Variants in ARHGEF3 observed in about 807,000 individuals in gnomAD.
ARHGEF3 encodes 59.8 kDA protein.
ARHGEF3 carries 28 observed loss-of-function variants against 63.2 expected under a neutral mutation model. That is an observed-to-expected ratio of 0.44 (90% CI 0.33 to 0.61). The LOEUF is 0.61. ARHGEF3 is among the 20% of genes least tolerant of loss of function. The pLI, the probability that ARHGEF3 is intolerant of heterozygous loss-of-function variation, is 0.03. For missense variants in ARHGEF3, 533 were observed against 659.3 expected (o/e 0.81, Z 2.10); for synonymous variants, 266 against 254.2 (o/e 1.05, Z -0.44).
chr3:56,730,059 A>G (rs570258918), intron 9 of ARHGEF3, among the ~76,000 whole-genome samples: 2 of 152,340 alleles, frequency 1.3e-5, no homozygotes, highest in Non-Finnish European at 2.9e-5. Context: ...TTCTCAAAAA[A>G]TAAAAATAAA....
chr3:56,749,638 T>C (rs1388895646), intron 6 of ARHGEF3, among the ~76,000 whole-genome samples: 1 of 152,206 alleles, frequency 6.6e-6, no homozygotes, highest in Non-Finnish European at 1.5e-5. Flanking sequence ...AATTTCTTTG[T>C]GGGCTAAAGA....
chr3:57,014,524 C>G (rs1702890396), intron 2 of ARHGEF3, among the ~76,000 whole-genome samples: 1 of 151,840 alleles, frequency 6.6e-6, no homozygotes, highest in African/African-American at 2.4e-5. Context: ...AAGGAAATTT[C>G]TCACAATACT....
intron 8 of ARHGEF3, among the ~76,000 whole-genome samples, chr3:56,735,660 G>A (rs1359356575): frequency 6.6e-6 from 1 of 152,156 alleles, no homozygotes; most frequent in Non-Finnish European, 1.5e-5. Context: ...AAGGAGCTTG[G>A]TGTAAGATAC....
chr3:56,827,763 A>AAC (rs2038780015), intron 4 of ARHGEF3, among the ~76,000 whole-genome samples: 1 of 125,476 alleles, frequency 8.0e-6, no homozygotes, highest in African/African-American at 3.0e-5. Flanking sequence ...AAAAAAAAAA[A>AAC]AAAAAAAAAA....
At position 56,801,898 on chromosome 3, in the gene ARHGEF3, C is replaced by T; in HGVS notation, c.-100G>A. On this transcript the variant is annotated 5_prime_UTR_variant, in exon 1 of 10. Transcript: ENST00000296315. The stretch of plus-strand genomic sequence containing the variant: ...GCCCCAGCTCCACGATGCCGGGCGG[C>T]GGCGGCGACACGGAGACCGACAGCC... 6.6e-7 allele frequency: 1 copy of T among 1,521,630 alleles called. No homozygotes were observed. Among genetic ancestry groups the T allele is most frequent in the African/African-American group, 1.4e-5 (1 of 72,346 alleles). The allele number at this position is 1,521,630 out of a possible 1,614,324, so 94.3% of individuals were successfully genotyped here.
chr3:56,882,150 TA>T, intron 4 of ARHGEF3: 106 of 724,508 alleles, frequency 1.5e-4, no homozygotes, highest in South Asian at 1.9e-4. Flanking sequence ...GTTTTTCAGT[TA>T]AAAAAAATTT....
chr3:56,973,509 C>A (rs1161650230), intron 2 of ARHGEF3, among the ~76,000 whole-genome samples: 1 of 152,062 alleles, frequency 6.6e-6, no homozygotes, highest in Admixed American at 6.6e-5. Flanking sequence ...ATAGTATGGA[C>A]CTCCAAATAG....
At chr3:56,999,415 T>A (rs1412040231) in intron 2 of ARHGEF3, among the ~76,000 whole-genome samples, 1 of 152,222 alleles carries the variant, frequency 6.6e-6, no homozygotes, top group Admixed American at 6.5e-5. Flanking sequence ...TCTTGCCTAC[T>A]CATCAAATCA....
chr3:56,735,660 GT>G (rs1385541832), intron 8 of ARHGEF3, among the ~76,000 whole-genome samples: 1 of 152,156 alleles, frequency 6.6e-6, no homozygotes, highest in Non-Finnish European at 1.5e-5. Flanking sequence ...AAGGAGCTTG[GT>G]GTAAGATACT....
intron 1 of ARHGEF3, chr3:57,060,871 C>T (rs139792847): frequency 6.2e-4 from 94 of 150,456 alleles, no homozygotes; most frequent in African/African-American, 2.1e-3. Flanking sequence ...CTTTTTTGGC[C>T]TGTGCCTGTT....
intron 4 of ARHGEF3, chr3:56,882,263 C>G (rs531500259): frequency 6.5e-7 from 1 of 1,541,098 alleles, no homozygotes; most frequent in African/African-American, 1.4e-5. Flanking sequence ...GCTCTCGGTG[C>G]CAGTGGGGGA....
rs577465831 is a variant in ARHGEF3 at position 56,821,011 on chromosome 3, C to T, written c.193-47195G>A. Among the ~76,000 whole-genome samples, 230 of 149,904 alleles carry T rather than the reference C, an allele frequency of 1.5e-3. 1 individual carries two copies. Among genetic ancestry groups the T allele is most frequent in the Middle Eastern group, 3.4e-3 (1 of 290 alleles). On this transcript the variant is annotated intron_variant, in intron 4 of 12. Coordinates refer to the ARHGEF3 transcript ENST00000338458. ...TCTACAAAAAAAAAAAAATACAAAA[C>T]ATTAGCCAGGTTTAGTAGGTGCATG...
intron 2 of ARHGEF3, among the ~76,000 whole-genome samples, chr3:56,767,781 C>G (rs1291248103): frequency 6.6e-6 from 1 of 151,720 alleles, no homozygotes; most frequent in East Asian, 1.9e-4. Flanking sequence ...CAGTCTCACT[C>G]TGTTGCCTAG....
chr3:56,927,919 G>T (rs1437996376), intron 3 of ARHGEF3, among the ~76,000 whole-genome samples: 1 of 152,176 alleles, frequency 6.6e-6, no homozygotes, highest in Non-Finnish European at 1.5e-5. Flanking sequence ...AATCAAAAAT[G>T]ATTATGATGT....
intron 2 of ARHGEF3, among the ~76,000 whole-genome samples, chr3:57,007,861 A>G (rs1702528599): frequency 6.6e-6 from 1 of 152,218 alleles, no homozygotes; most frequent in South Asian, 2.1e-4. Context: ...CCTGCATAAC[A>G]GGAAACATTC....
rs2038988314 is a variant in ARHGEF3 at position 56,833,160 on chromosome 3, A to G, written c.192+49132T>C. Among the ~76,000 whole-genome samples, 3 of 152,316 alleles carry G rather than the reference A, an allele frequency of 2.0e-5. No individual in the cohort carries two copies. The South Asian group carries it at 6.2e-4, about 32-fold the overall frequency. On this transcript the variant is annotated intron_variant, in intron 4 of 12. Coordinates refer to the ARHGEF3 transcript ENST00000338458. ...AACACTATATTTAACTTTTTGAGGT[A>G]CTGCCAAACTCTTCTCCACAACAGC... is the stretch of plus-strand genomic sequence containing the variant.
intron 1 of ARHGEF3, among the ~76,000 whole-genome samples, chr3:57,051,825 G>A (rs1249558099): frequency 6.6e-6 from 1 of 152,132 alleles, no homozygotes; most frequent in African/African-American, 2.4e-5. Flanking sequence ...TTAGCCAGGT[G>A]TGGTGGCGGG....
chr3:57,003,055 C>T lies in ARHGEF3; in HGVS notation c.62+32033G>A, dbSNP rs537914164. ...AAAGTGCTGGGATTACAGGCGTGAG[C>T]CACTGTGCCCAGGAAGTTCTATTTC... On this transcript the variant is annotated intron_variant, in intron 2 of 12. Transcript: ENST00000338458. Among the ~76,000 whole-genome samples the T allele has an allele frequency of 3.2e-3, 479 of 151,728 alleles. 4 individuals carry two copies. The highest frequency in any genetic ancestry group is 0.011 in the African/African-American group (458 of 41,408).
intron 6 of ARHGEF3, among the ~76,000 whole-genome samples, chr3:56,748,319 T>C (rs538197725): frequency 1.3e-5 from 2 of 152,286 alleles, no homozygotes; most frequent in South Asian, 4.1e-4. Context: ...CGTGAGCCAC[T>C]GTGCTTGGGC....
Sources: allele counts gnomAD v4.1 joint callset (sites outside exome capture counted in the v4.1 genomes callset), GRCh38; gene constraint gnomAD v4.1.1; transcripts MANE v1.5; gene names NCBI Gene and HGNC (gene_info 2026-07-23, HGNC 2026-07-21).